The following RTEL1 variants were observed in gnomAD, a reference collection of about 807,000 sequenced individuals.
The protein encoded by RTEL1 is regulator of telomere length.
In RTEL1, 86 loss-of-function variants were observed where a neutral mutation model predicts 162.2. The observed-to-expected ratio is 0.53, with a 90% CI of 0.45 to 0.63. The LOEUF is 0.63. Among genes scored for constraint, RTEL1 ranks in the 30% least tolerant of loss-of-function variants. The probability of loss-of-function intolerance (pLI) is 0.00; values close to 1 mark genes in which losing one functional copy is unlikely to be tolerated. For synonymous variants in RTEL1, 958 were observed against 717.9 expected, an observed-to-expected ratio of 1.33 and a Z score of -5.35; for missense variants, 1,941 against 1,750.2, an observed-to-expected ratio of 1.11 and a Z score of -1.95.
chr20:63,678,258 C>T lies in RTEL1; in HGVS notation c.959-10C>T, dbSNP rs202035834. The T allele has an allele frequency of 7.4e-4, 1,200 of 1,612,532 alleles. 2 individuals are homozygous for T. Among genetic ancestry groups the T allele is most frequent in the South Asian group, 1.3e-3 (118 of 90,976 alleles). On this transcript the variant is annotated splice_polypyrimidine_tract_variant and intron_variant, in intron 11 of 34. Coordinates refer to ENST00000360203, the MANE Select transcript of RTEL1 (RefSeq NM_001283009.2). ...TGCGAGGAGGTGGGTGACACCTCCT[C>T]GACCCACAGTGATCCTGCTGCGCCT... is the stretch of plus-strand genomic sequence containing the variant.
chr20:63,662,396 C>A, intron 4 of RTEL1, 150 bp from the exon 5 acceptor site: 1 of 1,506,386 alleles, frequency 6.6e-7, no homozygotes, highest in Non-Finnish European at 9.0e-7. Flanking sequence ...CGTCTTCTAG[C>A]TCCCTCCTAC....
Position 63,696,013 on chromosome 20 carries a change from C to G in RTEL1, c.*155C>G. ...GGCAGGCGGGGCCCATGGTTGGTCC[C>G]TGCGGTGGGACCGGATCTGGGCCTG... On this transcript the variant is annotated 3_prime_UTR_variant, in exon 35 of 35. Coordinates refer to ENST00000360203, the MANE Select transcript of RTEL1 (RefSeq NM_001283009.2). 1 of 720,380 alleles carries G rather than the reference C, an allele frequency of 1.4e-6. No individual in the cohort carries two copies. Among genetic ancestry groups the G allele is most frequent in the South Asian group, 1.9e-5 (1 of 54,020 alleles). 44.6% of individuals were successfully genotyped at this position (720,380 alleles called of 1,614,324 possible). A position where few individuals can be genotyped will look rare whatever the true frequency, so the allele number is the denominator to read the frequency against.
intron 26 of RTEL1, 40 bp downstream of exon 26, chr20:63,690,481 C>CTGGGGGGGGGGGGGGGGGGGGGGGGGGG: frequency 1.7e-6 from 1 of 572,552 alleles, no homozygotes; most frequent in Non-Finnish European, 2.8e-6. Flanking sequence ...GTGGGGGTGG[C>CTGGGGGGGGGGGGGGGGGGGGGGGGGGG]GGAGCGGGCG....
intron 10 of RTEL1, among the ~76,000 whole-genome samples, chr20:63,677,031 C>T (rs1037513680): frequency 6.9e-6 from 1 of 144,042 alleles, no homozygotes; most frequent in African/African-American, 2.6e-5. Context: ...TCACTCCTGA[C>T]CTCAGTTGCT....
In RTEL1 at chr20:63,673,920, C is replaced by A. The variant is rs756944193; in HGVS notation, c.766-20C>A. 6.3e-7 allele frequency: 1 copy of A among 1,598,504 alleles called. No homozygotes were observed. The highest frequency in any genetic ancestry group is 8.5e-7 in the Non-Finnish European group (1 of 1,169,984). On this transcript the variant is annotated intron_variant, in intron 9 of 34. Coordinates refer to ENST00000360203, the MANE Select transcript of RTEL1 (RefSeq NM_001283009.2). ...GATCCTGTCCTGTTCTGTGGTGATT[C>A]GGGTGTGCTTGGGCTCTAGGAGAAG...
chr20:63,694,019 G>C (rs1282857724), intron 30 of RTEL1, among the ~76,000 whole-genome samples: 3 of 151,878 alleles, frequency 2.0e-5, no homozygotes, highest in Non-Finnish European at 4.4e-5. Context: ...GTGTGTTAAT[G>C]AACAGCCCCT....
chr20:63,683,331 A>G (rs2090515941), intron 14 of RTEL1, among the ~76,000 whole-genome samples: 3 of 152,236 alleles, frequency 2.0e-5, no homozygotes, highest in African/African-American at 7.2e-5. Flanking sequence ...GGCAGCCACC[A>G]GCGTGGGGGT....
rs1166377020 is a variant in RTEL1, at chr20:63,678,845, ACTCCCACGGAACAGCAGACT to A, written c.1037+516_1037+535del. Among the ~76,000 whole-genome samples the A allele has an allele frequency of 4.5e-5, 5 of 110,652 alleles. No individual in the cohort carries two copies. The East Asian group carries it at 9.7e-4, about 22-fold the overall frequency. 72.6% of individuals were successfully genotyped at this position (110,652 alleles called of 152,430 possible). On this transcript the variant is annotated intron_variant, in intron 12 of 34. Transcript: ENST00000360203. ...CACACACACCCACGGAACGGCACAC[ACTCCCACGGAACAGCAGACT>A]CTCCCACGGAACAGCACACACACTC... is the stretch of plus-strand genomic sequence containing the variant.
chr20:63,691,070 G>GGGATTTA, intron 27 of RTEL1, 123 bp downstream of exon 27: 6 of 1,066,412 alleles, frequency 5.6e-6, no homozygotes, highest in South Asian at 1.7e-5. Flanking sequence ...TGGCAGGCAG[G>GGGATTTA]CGGGCAAGCG....
chr20:63,689,640 G>A lies in RTEL1; in HGVS notation c.2017G>A (p.Gly673Arg), dbSNP rs2090677960. 2 of 1,607,540 alleles carry A rather than the reference G, an allele frequency of 1.2e-6. No individual in the cohort carries two copies. Among genetic ancestry groups the A allele is most frequent in the Non-Finnish European group, 8.5e-7 (1 of 1,175,970 alleles). ...LDEMKGQGGAGGQFLSGQEWY... is the reference protein window; with the variant it reads ...LDEMKGQGGARGQFLSGQEWY... ...TGAGATGAAGGGCCAGGGTGGGGCTGGGGGCCAGGTGAGTTACAGCAGGGT... is the reference window on the plus strand; with the variant it reads ...TGAGATGAAGGGCCAGGGTGGGGCTAGGGGCCAGGTGAGTTACAGCAGGGT... Residue 673 changes from glycine (G) to arginine (R), a missense_variant, in exon 23 of 35, where the codon GGG becomes AGG. Transcript: ENST00000360203.
At position 63,681,403 on chromosome 20, in the gene RTEL1, C is replaced by G. The variant is rs554045817; in HGVS notation, c.1191+684C>G. 95 of 985,260 alleles carry G rather than the reference C, an allele frequency of 9.6e-5. 1 individual carries two copies. In the South Asian group the frequency reaches 3.6e-3, roughly 38 times the overall value. The allele number at this position is 985,260 out of a possible 1,614,324, so 61.0% of individuals were successfully genotyped here. ...ACTCAGAAGTCCCTGACTGGGGAAG[C>G]CAAGGCACAGGTGGCTGTGTGGAGC... On this transcript the variant is annotated intron_variant, in intron 14 of 34. Coordinates refer to ENST00000360203, the MANE Select transcript of RTEL1 (RefSeq NM_001283009.2).
intron 12 of RTEL1, among the ~76,000 whole-genome samples, chr20:63,679,163 C>T (rs1030330493): frequency 6.6e-6 from 1 of 152,190 alleles, no homozygotes; most frequent in Admixed American, 6.5e-5. Context: ...TGCTGTCTGT[C>T]CTGCAGGCAG....
chr20:63,676,529 G>A (rs2090352978), intron 10 of RTEL1, among the ~76,000 whole-genome samples: 1 of 152,226 alleles, frequency 6.6e-6, no homozygotes, highest in Non-Finnish European at 1.5e-5. Context: ...GGGCTTGCAA[G>A]ATGGCAGTGT....
chr20:63,694,394 G>C lies in RTEL1; in HGVS notation c.3015G>C (p.Lys1005Asn), dbSNP rs1278233275. ...CAGGAAGAACGGCGCCGGATCCCAA[G>C]CTGACCGTGTCCACGGCTGCAGCCC... ...DPTGRTAPDP[K>N]LTVSTAAAQQ... The change falls in exon 31 of 35, where the codon AAG becomes AAC. Residue 1005 changes from lysine to asparagine, a missense_variant. Physicochemically the swap from Lys to Asn is moderately conservative, Grantham distance 94. Coordinates refer to ENST00000360203, the MANE Select transcript of RTEL1 (RefSeq NM_001283009.2). 6.2e-7 allele frequency: 1 copy of C among 1,603,052 alleles called. No individual in the cohort carries two copies. Among genetic ancestry groups the C allele is most frequent in the East Asian group, 2.3e-5 (1 of 44,294 alleles).
chr20:63,659,971 A>G (rs149610202), intron 2 of RTEL1, among the ~76,000 whole-genome samples: 3 of 152,312 alleles, frequency 2.0e-5, no homozygotes, highest in African/African-American at 7.2e-5. Flanking sequence ...TCTGGGTCAC[A>G]AATAAGTTCA....
chr20:63,686,157 C>T (rs1277669352), intron 16 of RTEL1: 14 of 516,324 alleles, frequency 2.7e-5, no homozygotes, highest in Non-Finnish European at 3.9e-5. Flanking sequence ...GGGACACGCT[C>T]GTTTATGCCG....
chr20:63,678,623 C>CCCACGAACAGCACACACACTT (rs2090410052), intron 12 of RTEL1, among the ~76,000 whole-genome samples: 1 of 148,350 alleles, frequency 6.7e-6, no homozygotes, highest in Non-Finnish European at 1.5e-5. Flanking sequence ...CACACACACT[C>CCCACGAACAGCACACACACTT]CCACGAACAG....
chr20:63,659,357 G>C lies in RTEL1; in HGVS notation c.-46G>C. The C allele has an allele frequency of 7.0e-7, 1 of 1,438,306 alleles. No individual in the cohort carries two copies. The highest frequency in any genetic ancestry group is 1.1e-5 in the South Asian group (1 of 87,314). The allele number at this position is 1,438,306 out of a possible 1,614,324, so 89.1% of individuals were successfully genotyped here. A position where few individuals can be genotyped will look rare whatever the true frequency, so the allele number is the denominator to read the frequency against. On this transcript the variant is annotated 5_prime_UTR_variant, in exon 2 of 35. An upstream open reading frame in the 5' UTR loses its in-frame stop. Transcript: ENST00000360203. ...TGGTTTTTTCGCACAGACCCGAATA[G>C]CCTGCCCCTCAGCCACGCTCTGTGC...
chr20:63,691,777 G>C lies in RTEL1; in HGVS notation c.2592G>C (p.Glu864Asp). The part of the protein sequence containing the change: ...HSCSTLSLLS[E>D]KRPAEEPRGG... Reference sequence around the variant, plus strand: ...GCTCCACCCTGTCCCTCCTGTCTGAGAAGAGGCCGGCAGAAGAACCGCGAG... The same window carrying C: ...GCTCCACCCTGTCCCTCCTGTCTGACAAGAGGCCGGCAGAAGAACCGCGAG... Residue 864 changes from glutamate (E) to aspartate (D), a missense_variant, in exon 28 of 35, where the codon GAG becomes GAC. Transcript: ENST00000360203. The C allele has an allele frequency of 2.5e-6, 4 of 1,612,518 alleles. No homozygotes were observed. Among genetic ancestry groups the C allele is most frequent in the Non-Finnish European group, 2.5e-6 (3 of 1,179,840 alleles).
Sources: gnomAD v4.1 joint callset for allele counts (sites outside exome capture counted in the v4.1 genomes callset) on GRCh38, gnomAD v4.1.1 for gene constraint, MANE v1.5 for transcripts, NCBI Gene and HGNC (gene_info 2026-07-23, HGNC 2026-07-21) for gene names.